C1orf21: variants seen among roughly 807,000 people sequenced by gnomAD.
The protein encoded by C1orf21 is uncharacterized protein C1orf21.
C1orf21 carries 3 observed loss-of-function variants against 18.7 expected under a neutral mutation model. The observed-to-expected ratio is 0.16, with a 90% CI of 0.07 to 0.42. The LOEUF (loss-of-function observed/expected upper bound fraction) is 0.42. Among genes scored for constraint, C1orf21 ranks in the 10% least tolerant of loss-of-function variants. The pLI, the probability that C1orf21 is intolerant of heterozygous loss-of-function variation, is 0.99. For synonymous variants in C1orf21, 41 were observed against 46.4 expected, an observed-to-expected ratio of 0.88 and a Z score of 0.47; for missense variants, 104 against 143.6, an observed-to-expected ratio of 0.72 and a Z score of 1.41.
chr1:184,572,532 T>C (rs1322866360), intron 3 of C1orf21, among the ~76,000 whole-genome samples: 4 of 152,226 alleles, frequency 2.6e-5, no homozygotes, highest in African/African-American at 9.6e-5. Flanking sequence ...GTCTCTAACA[T>C]TTCTAGTAAG....
At chr1:184,482,053 A>G (rs140368304) in intron 2 of C1orf21, among the ~76,000 whole-genome samples, 1 of 152,326 alleles carries the variant, frequency 6.6e-6, no homozygotes, top group East Asian at 1.9e-4. Flanking sequence ...GTAACCCATT[A>G]TTTCTGTGGT....
chr1:184,514,269 C>T (rs1184577947), intron 3 of C1orf21, among the ~76,000 whole-genome samples: 3 of 152,170 alleles, frequency 2.0e-5, no homozygotes, highest in Non-Finnish European at 4.4e-5. Context: ...CATGCCAGTG[C>T]TCTCTAGCCT....
rs147833912 is a variant in C1orf21, at chr1:184,423,903, A to G, written c.-125+36535A>G. ...CATCCATCCATCCATCCATCCATCAATCTATCATTTAAGGGTTTCCTTAAT... is the reference window on the plus strand; with the variant it reads ...CATCCATCCATCCATCCATCCATCAGTCTATCATTTAAGGGTTTCCTTAAT... On this transcript the variant is annotated intron_variant, in intron 1 of 5. Transcript: ENST00000235307. Among the ~76,000 whole-genome samples the G allele has an allele frequency of 3.4e-3, 510 of 151,958 alleles. 3 individuals are homozygous for G. Among genetic ancestry groups the G allele is most frequent in the African/African-American group, 0.012 (492 of 41,440 alleles).
chr1:184,548,214 AACACACACACACACACACACACAC>A (rs58174774), intron 3 of C1orf21, among the ~76,000 whole-genome samples: 3 of 139,984 alleles, frequency 2.1e-5, no homozygotes, highest in African/African-American at 8.0e-5. Flanking sequence ...TCAAATCCCC[AACACACACACACACACACACACAC>A]ACACACACAC....
intron 2 of C1orf21, among the ~76,000 whole-genome samples, chr1:184,497,426 C>T (rs1470403325): frequency 6.6e-6 from 1 of 152,172 alleles, no homozygotes; most frequent in Non-Finnish European, 1.5e-5. Context: ...AAGGTACAGA[C>T]GGTCAGAAGG....
At chr1:184,493,636 G>A (rs1657848814) in intron 2 of C1orf21, among the ~76,000 whole-genome samples, 2 of 152,194 alleles carry the variant, frequency 1.3e-5, no homozygotes, top group African/African-American at 2.4e-5. Flanking sequence ...GTCAAATTAT[G>A]TATGAAATAG....
chr1:184,477,307 G>GGT, intron 1 of C1orf21, 79 bp from the exon 2 acceptor site: 1 of 550,624 alleles, frequency 1.8e-6, no homozygotes, highest in Non-Finnish European at 3.2e-6. Context: ...TATACTGCAG[G>GGT]GCACAGCACA....
At chr1:184,493,584 A>ATT (rs891979145) in intron 2 of C1orf21, among the ~76,000 whole-genome samples, 1 of 152,262 alleles carries the variant, frequency 6.6e-6, no homozygotes, top group African/African-American at 2.4e-5. Context: ...CTCACTGTAT[A>ATT]AATGTCACTG....
At chr1:184,547,205 T>G (rs1658739753) in intron 3 of C1orf21, among the ~76,000 whole-genome samples, 1 of 152,140 alleles carries the variant, frequency 6.6e-6, no homozygotes, top group Non-Finnish European at 1.5e-5. Flanking sequence ...GGCCAGACCA[T>G]GCAGGGCAGG....
intron 3 of C1orf21, among the ~76,000 whole-genome samples, chr1:184,541,580 AAT>A (rs1658651649): frequency 6.6e-6 from 1 of 152,196 alleles, no homozygotes; most frequent in Non-Finnish European, 1.5e-5. Flanking sequence ...ACAGGGAGAA[AAT>A]ATGTGATTCT....
chr1:184,437,547 G>C (rs1656877801), intron 1 of C1orf21, among the ~76,000 whole-genome samples: 1 of 152,018 alleles, frequency 6.6e-6, no homozygotes, highest in Admixed American at 6.5e-5. Flanking sequence ...AGGCGTGGAG[G>C]TGTCAGGTTG....
chr1:184,616,690 TTG>T (rs994769985), intron 5 of C1orf21, among the ~76,000 whole-genome samples: 3 of 148,862 alleles, frequency 2.0e-5, no homozygotes, highest in African/African-American at 4.9e-5. Flanking sequence ...GTGTGTGTGC[TTG>T]TGTGTGCACA....
At chr1:184,506,184 T>A (rs1247306745) in intron 2 of C1orf21, among the ~76,000 whole-genome samples, 1 of 152,170 alleles carries the variant, frequency 6.6e-6, no homozygotes, top group Non-Finnish European at 1.5e-5. Flanking sequence ...AAAAATAGAA[T>A]CAATAATAAC....
intron 3 of C1orf21, among the ~76,000 whole-genome samples, chr1:184,562,956 A>G (rs1999996): frequency 0.58 from 88,382 of 152,086 alleles, 28,420 homozygotes; most frequent in African/African-American, 0.88. Context: ...CTGAGCCTAC[A>G]TGACCAAAGT....
intron 1 of C1orf21, among the ~76,000 whole-genome samples, chr1:184,446,402 T>C (rs1345469234): frequency 6.6e-6 from 1 of 152,172 alleles, no homozygotes; most frequent in African/African-American, 2.4e-5. Context: ...TAAGAAATCC[T>C]ACTTTTGTGT....
At chr1:184,559,675 G>C (rs1358404954) in intron 3 of C1orf21, among the ~76,000 whole-genome samples, 1 of 126,606 alleles carries the variant, frequency 7.9e-6, no homozygotes, top group African/African-American at 2.9e-5. Context: ...AGACTAAAGT[G>C]CAGTGGCACA....
chr1:184,549,891 G>C (rs1658788901), intron 3 of C1orf21, among the ~76,000 whole-genome samples: 1 of 152,084 alleles, frequency 6.6e-6, no homozygotes. Flanking sequence ...TACACAGACT[G>C]TCTGGCATAC....
chr1:184,567,479 TATTGG>T (rs1659050755), intron 3 of C1orf21: 5 of 540,218 alleles, frequency 9.3e-6, no homozygotes, highest in Non-Finnish European at 1.9e-5. Context: ...AGAGATGCTG[TATTGG>T]ATTGTAGGGA....
At chr1:184,511,801 G>A (rs1477825353) in intron 3 of C1orf21, among the ~76,000 whole-genome samples, 1 of 151,604 alleles carries the variant, frequency 6.6e-6, no homozygotes, top group African/African-American at 2.4e-5. Context: ...TGTTCACATG[G>A]TGGCAGGAGA....
Sources: gnomAD v4.1 joint callset for allele counts (sites outside exome capture counted in the v4.1 genomes callset) on GRCh38, gnomAD v4.1.1 for gene constraint, MANE v1.5 for transcripts, NCBI Gene and HGNC (gene_info 2026-07-23, HGNC 2026-07-21) for gene names.